Variants in UBE3A observed in about 807,000 individuals in gnomAD.
The protein encoded by UBE3A is ubiquitin protein ligase E3A, also known as ubiquitin-protein ligase E3A.
Under a neutral mutation model 83.4 loss-of-function variants are expected in UBE3A, and 6 were observed. The observed-to-expected ratio is 0.07, with a 90% CI of 0.04 to 0.14. The LOEUF is 0.14. Ranked by LOEUF, UBE3A falls within the 10% of genes least tolerant of loss-of-function variation. The pLI is 1.00. For missense variants in UBE3A, 456 were observed against 1,036.1 expected, an observed-to-expected ratio of 0.44 and a Z score of 7.69; for synonymous variants, 337 against 355.4, an observed-to-expected ratio of 0.95 and a Z score of 0.58.
chr15:25,364,583 C>T (rs188411535), intron 6 of UBE3A, among the ~76,000 whole-genome samples: 33 of 151,322 alleles, frequency 2.2e-4, no homozygotes, highest in African/African-American at 6.8e-4. Flanking sequence ...AAAAGGAGAA[C>T]GTGCATGCAT....
chr15:25,416,368 A>G (rs35175335), intron 1 of UBE3A, among the ~76,000 whole-genome samples: 1 of 152,208 alleles, frequency 6.6e-6, no homozygotes, highest in African/African-American at 2.4e-5. Flanking sequence ...ACTACAACCA[A>G]CAATGTGAAT....
At chr15:25,340,019 A>G in intron 12 of UBE3A, 66 bp downstream of exon 12, 2 of 1,587,804 alleles carry the variant, frequency 1.3e-6, no homozygotes, top group South Asian at 2.2e-5. Context: ...AAGACAGTTC[A>G]TATGTATGTG....
intron 4 of UBE3A, among the ~76,000 whole-genome samples, chr15:25,399,873 G>C (rs1367678937): frequency 6.6e-6 from 1 of 151,994 alleles, no homozygotes; most frequent in Non-Finnish European, 1.5e-5. Context: ...AACTGTGCCT[G>C]GCCTGTCTAC....
At chr15:25,372,163 T>C (rs1180064794) in intron 5 of UBE3A, among the ~76,000 whole-genome samples, 1 of 152,208 alleles carries the variant, frequency 6.6e-6, no homozygotes, top group Non-Finnish European at 1.5e-5. Context: ...TACTGATTAA[T>C]CATAATACAG....
intron 6 of UBE3A, among the ~76,000 whole-genome samples, chr15:25,365,531 G>C (rs953270655): frequency 6.6e-6 from 1 of 151,502 alleles, no homozygotes; most frequent in African/African-American, 2.4e-5. Context: ...GGCGGATCAC[G>C]AGGTCAGGAG....
chr15:25,406,459 G>T (rs1482676040), intron 3 of UBE3A, among the ~76,000 whole-genome samples: 2 of 151,972 alleles, frequency 1.3e-5, no homozygotes, highest in Non-Finnish European at 2.9e-5. Flanking sequence ...CACGAGATAT[G>T]AATCAGTATT....
chr15:25,408,578 G>C, intron 3 of UBE3A: 2 of 1,613,326 alleles, frequency 1.2e-6, no homozygotes, highest in Non-Finnish European at 8.5e-7. Flanking sequence ...CCACTAATCT[G>C]AATACTGCAG....
At chr15:25,420,189 A>T (rs1039411040) in intron 1 of UBE3A, among the ~76,000 whole-genome samples, 2 of 152,204 alleles carry the variant, frequency 1.3e-5, no homozygotes, top group Admixed American at 6.5e-5. Flanking sequence ...AAAATTAATC[A>T]TAAGAAAGGA....
intron 4 of UBE3A, among the ~76,000 whole-genome samples, chr15:25,377,193 G>C (rs1356279189): frequency 6.6e-6 from 1 of 152,172 alleles, no homozygotes; most frequent in African/African-American, 2.4e-5. Context: ...AAGGCAGCAA[G>C]TAAGTGAAGA....
At chr15:25,385,037 T>C (rs1472083897) in intron 4 of UBE3A, among the ~76,000 whole-genome samples, 2 of 152,190 alleles carry the variant, frequency 1.3e-5, no homozygotes, top group African/African-American at 4.8e-5. Context: ...CTTCATGACA[T>C]TGGACTTGGC....
At chr15:25,427,352 T>G (rs1417801140) in intron 1 of UBE3A, among the ~76,000 whole-genome samples, 1 of 151,658 alleles carries the variant, frequency 6.6e-6, no homozygotes. Context: ...TTGAGCCCTA[T>G]AAGATAGAAG....
At chr15:25,366,323 GAATA>G (rs1285029132) in intron 6 of UBE3A, among the ~76,000 whole-genome samples, 7 of 152,152 alleles carry the variant, frequency 4.6e-5, no homozygotes, top group South Asian at 2.1e-4. Flanking sequence ...GTGAGTCAAT[GAATA>G]AATAAAAGAA....
intron 4 of UBE3A, among the ~76,000 whole-genome samples, chr15:25,390,209 G>A (rs893750417): frequency 3.4e-4 from 52 of 152,136 alleles, no homozygotes; most frequent in African/African-American, 1.3e-3. Context: ...AATGTAAAAG[G>A]ATAGCGTCAT....
intron 1 of UBE3A, among the ~76,000 whole-genome samples, chr15:25,437,067 A>T (rs1895319395): frequency 6.6e-6 from 1 of 152,116 alleles, no homozygotes; most frequent in African/African-American, 2.4e-5. Context: ...TATTTCTTGA[A>T]GCTATTTCCT....
intron 8 of UBE3A, 64 bp downstream of exon 8, chr15:25,356,627 A>C (rs1000420702): frequency 6.0e-6 from 9 of 1,494,208 alleles, no homozygotes; most frequent in African/African-American, 1.4e-5. Flanking sequence ...TTTTGACATA[A>C]ATTAAATTTT....
At chr15:25,362,508 A>G (rs889485166) in intron 6 of UBE3A, among the ~76,000 whole-genome samples, 1 of 152,194 alleles carries the variant, frequency 6.6e-6, no homozygotes, top group African/African-American at 2.4e-5. Context: ...AGAATATATG[A>G]GAACGAGTGT....
At chr15:25,379,900 G>A (rs1359160875) in intron 4 of UBE3A, among the ~76,000 whole-genome samples, 2 of 152,082 alleles carry the variant, frequency 1.3e-5, no homozygotes, top group Admixed American at 6.6e-5. Context: ...TCCATCAAGT[G>A]TACTGGAACA....
At chr15:25,420,425 A>T (rs187611915) in intron 1 of UBE3A, among the ~76,000 whole-genome samples, 1 of 152,314 alleles carries the variant, frequency 6.6e-6, no homozygotes, top group Admixed American at 6.5e-5. Flanking sequence ...AGATTTCAAC[A>T]TTCCTCTCTC....
intron 1 of UBE3A, among the ~76,000 whole-genome samples, chr15:25,424,129 TA>T (rs1226697101): frequency 6.6e-6 from 1 of 152,152 alleles, no homozygotes. Flanking sequence ...CACTTATAGG[TA>T]AAAATCAAAC....
Sources: allele counts gnomAD v4.1 joint callset (sites outside exome capture counted in the v4.1 genomes callset), GRCh38; gene constraint gnomAD v4.1.1; transcripts MANE v1.5; gene names NCBI Gene and HGNC (gene_info 2026-07-23, HGNC 2026-07-21).